The following NRDE2 variants were observed in gnomAD, a reference collection of about 807,000 sequenced individuals.
The protein encoded by NRDE2 is NRDE-2, necessary for RNA interference, domain containing.
Under a neutral mutation model 124.2 loss-of-function variants are expected in NRDE2, and 76 were observed. The observed-to-expected ratio is 0.61, with a 90% CI of 0.51 to 0.74. NRDE2 has a LOEUF of 0.74. Among genes scored for constraint, NRDE2 ranks in the 30% least tolerant of loss-of-function variants. The probability of loss-of-function intolerance (pLI) is 0.00; values close to 1 mark genes in which losing one functional copy is unlikely to be tolerated. For synonymous variants in NRDE2, 489 were observed against 528.1 expected, an observed-to-expected ratio of 0.93 and a Z score of 1.01; for missense variants, 1,314 against 1,417.3, an observed-to-expected ratio of 0.93 and a Z score of 1.17.
rs75175021 is a variant in NRDE2, at chr14:90,268,070, G to C, written c.*10266C>G. ...TAAATGTCCTCTTATCTACTTAGGA[G>C]AATGGAATGTCGTGACACTTGAATT... is the stretch of plus-strand genomic sequence containing the variant. On this transcript the variant is annotated 3_prime_UTR_variant, in exon 14 of 14. Coordinates refer to ENST00000354366, the MANE Select transcript of NRDE2 (RefSeq NM_017970.4). 25 of 593,424 alleles carry C rather than the reference G, an allele frequency of 4.2e-5. No homozygotes were observed. In the African/African-American group the frequency reaches 4.3e-4, roughly 10 times the overall value. The allele number at this position is 593,424 out of a possible 1,614,324, so 36.8% of individuals were successfully genotyped here. A position where few individuals can be genotyped will look rare whatever the true frequency, so the allele number is the denominator to read the frequency against.
At chr14:90,297,172 T>C (rs1884202763) in intron 8 of NRDE2, among the ~76,000 whole-genome samples, 2 of 151,410 alleles carry the variant, frequency 1.3e-5, no homozygotes, top group Non-Finnish European at 2.9e-5. Flanking sequence ...GAAAAGTAGC[T>C]AGTCTGAACT....
Position 90,304,092 on chromosome 14 carries a change from A to G in NRDE2, c.848T>C (p.Leu283Pro). The G allele has an allele frequency of 6.2e-7, 1 of 1,614,184 alleles. No homozygotes were observed. Among genetic ancestry groups the G allele is most frequent in the Non-Finnish European group, 8.5e-7 (1 of 1,180,040 alleles). The change falls in exon 5 of 14, where the codon CTA becomes CCA. Residue 283 changes from leucine to proline, a missense_variant. Coordinates refer to ENST00000354366, the MANE Select transcript of NRDE2 (RefSeq NM_017970.4). ...CTGCTCTGGAGGACCCTGTCCTTGT[A>G]GCCAATGTGTGGTTGACTGATCATA... is the stretch of plus-strand genomic sequence containing the variant. ...GIYDQSTTHW[L>P]QGQGPPEQES...
rs1436733072 is a variant in NRDE2 at position 90,276,616 on chromosome 14, A to G, written c.*1720T>C. On this transcript the variant is annotated 3_prime_UTR_variant, in exon 14 of 14. Coordinates refer to ENST00000354366, the MANE Select transcript of NRDE2 (RefSeq NM_017970.4). ...TTTGATTTGTTTTAAACCTCCTCCC[A>G]TGCAGCAAGTAATGTGCTCGCAATC... The G allele has an allele frequency of 6.6e-6, 1 of 151,646 alleles. No individual in the cohort carries two copies. The highest frequency in any genetic ancestry group is 1.5e-5 in the Non-Finnish European group (1 of 67,978). The allele number at this position is 151,646 out of a possible 1,614,324, so 9.4% of individuals were successfully genotyped here.
intron 11 of NRDE2, 81 bp downstream of exon 11, chr14:90,288,136 G>A: frequency 1.5e-6 from 2 of 1,333,924 alleles, no homozygotes; most frequent in Non-Finnish European, 2.1e-6. Context: ...CTGTCTTCCT[G>A]AGACCCAGCA....
intron 1 of NRDE2, among the ~76,000 whole-genome samples, chr14:90,320,043 T>C (rs1252362429): frequency 9.2e-5 from 14 of 152,190 alleles, no homozygotes; most frequent in Admixed American, 9.2e-4. Flanking sequence ...TTGCTGTAGT[T>C]TTGATTTCCA....
rs534249750 is a variant in NRDE2 at position 90,277,765 on chromosome 14, G to A, written c.*571C>T. On this transcript the variant is annotated 3_prime_UTR_variant, in exon 14 of 14. Coordinates refer to ENST00000354366, the MANE Select transcript of NRDE2 (RefSeq NM_017970.4). ...GGCCTGAGTTTTTCAGCAGCCCCAG[G>A]GCACGCTGCCCCTCCAGCTCCAGGC... The A allele has an allele frequency of 5.2e-5, 8 of 152,510 alleles. No homozygotes were observed. The highest frequency in any genetic ancestry group is 1.9e-4 in the African/African-American group (8 of 41,460). The allele number at this position is 152,510 out of a possible 1,614,324, so 9.4% of individuals were successfully genotyped here.
intron 1 of NRDE2, among the ~76,000 whole-genome samples, chr14:90,321,825 G>T (rs1024990893): frequency 8.5e-5 from 13 of 152,162 alleles, no homozygotes; most frequent in Non-Finnish European, 1.6e-4. Flanking sequence ...ACTTTTCTTA[G>T]CCAAGGAACT....
At chr14:90,317,369 T>C (rs1469276200) in intron 2 of NRDE2, among the ~76,000 whole-genome samples, 2 of 152,264 alleles carry the variant, frequency 1.3e-5, no homozygotes, top group Non-Finnish European at 2.9e-5. Flanking sequence ...TTGTGGTCCT[T>C]GTTTTTGGAG....
chr14:90,296,584 A>G (rs536136974), intron 8 of NRDE2, among the ~76,000 whole-genome samples: 1 of 152,212 alleles, frequency 6.6e-6, no homozygotes, highest in Admixed American at 6.5e-5. Flanking sequence ...ACCTAATCCA[A>G]AGTTTTCATG....
At chr14:90,312,086 T>C (rs1390292010) in intron 4 of NRDE2, among the ~76,000 whole-genome samples, 1 of 152,254 alleles carries the variant, frequency 6.6e-6, no homozygotes, top group Non-Finnish European at 1.5e-5. Flanking sequence ...GGTTACCAGA[T>C]AGTCTGTCAC....
At chr14:90,296,254 GT>G (rs1884142694) in intron 8 of NRDE2, among the ~76,000 whole-genome samples, 4 of 152,160 alleles carry the variant, frequency 2.6e-5, no homozygotes, top group Non-Finnish European at 4.4e-5. Flanking sequence ...TCAGACTTCT[GT>G]TTTTTTGGCC....
chr14:90,270,252 G>A lies in NRDE2; in HGVS notation c.*8084C>T. 3.7e-6 allele frequency: 6 copies of A among 1,613,614 alleles called. No individual in the cohort carries two copies. The highest frequency in any genetic ancestry group is 5.1e-6 in the Non-Finnish European group (6 of 1,179,820). ...CTGCCTGATGAAAAGACGAAGAAGC[G>A]CATCTTTCAGATTCACACAAGCAGG... On this transcript the variant is annotated 3_prime_UTR_variant, in exon 14 of 14. Transcript: ENST00000354366.
rs1358333284 is a variant in NRDE2 at position 90,301,274 on chromosome 14, G to A, written c.1510C>T (p.Pro504Ser). 1.1e-5 allele frequency: 17 copies of A among 1,613,724 alleles called. No individual in the cohort carries two copies. The highest frequency in any genetic ancestry group is 1.4e-5 in the Non-Finnish European group (17 of 1,179,790). ...GTAGGCAGATCTTTCACGCTGTCGG[G>A]TTTGAAGAAGGTGAAGTCCACCATG... The part of the protein sequence containing the change: ...QAMVDFTFFK[P>S]DSVKDLPTKG... Residue 504 changes from proline (P) to serine (S), a missense_variant, in exon 7 of 14, where the codon CCC (proline) becomes TCC (serine). Physicochemically the swap from Pro to Ser is moderately conservative, Grantham distance 74. Coordinates refer to ENST00000354366, the MANE Select transcript of NRDE2 (RefSeq NM_017970.4).
chr14:90,292,037 C>G (rs1210539139), intron 9 of NRDE2, among the ~76,000 whole-genome samples: 1 of 152,226 alleles, frequency 6.6e-6, no homozygotes, highest in Non-Finnish European at 1.5e-5. Flanking sequence ...ATCGAGACAG[C>G]ATTTCTTCAT....
intron 8 of NRDE2, among the ~76,000 whole-genome samples, chr14:90,297,961 A>T (rs1034394777): frequency 3.4e-5 from 5 of 147,226 alleles, no homozygotes; most frequent in African/African-American, 1.2e-4. Flanking sequence ...AAAAAAAAAG[A>T]ATGAGGATTG....
At position 90,278,220 on chromosome 14, in the gene NRDE2, GAA is replaced by G; in HGVS notation, c.*114_*115del. The stretch of plus-strand genomic sequence containing the variant: ...TGGCAGCCCACATTATTACTATCGA[GAA>G]AGAACATTTCAAAAGCCGAGTTCTC... On this transcript the variant is annotated 3_prime_UTR_variant, in exon 14 of 14. Coordinates refer to ENST00000354366, the MANE Select transcript of NRDE2 (RefSeq NM_017970.4). 7.8e-7 allele frequency: 1 copy of G among 1,278,656 alleles called. No individual in the cohort carries two copies. The highest frequency in any genetic ancestry group is 1.1e-6 in the Non-Finnish European group (1 of 907,226). The allele number at this position is 1,278,656 out of a possible 1,614,324, so 79.2% of individuals were successfully genotyped here.
At position 90,330,034 on chromosome 14, in the gene NRDE2, C is replaced by G. The variant is rs145369452; in HGVS notation, c.64+1807G>C. 2.2e-3 allele frequency among the ~76,000 whole-genome samples: 332 copies of G among 150,292 alleles called. 2 individuals carry two copies. The highest frequency in any genetic ancestry group is 3.8e-3 in the Non-Finnish European group (258 of 67,536). On this transcript the variant is annotated intron_variant, in intron 1 of 13. Coordinates refer to ENST00000354366, the MANE Select transcript of NRDE2 (RefSeq NM_017970.4). ...CCAGCCTGGCCAAAACAGTGAAACC[C>G]CATCTCTACTAACAATACAAAAATT... is the stretch of plus-strand genomic sequence containing the variant.
At position 90,286,218 on chromosome 14, in the gene NRDE2, C is replaced by A. The variant is rs114258288; in HGVS notation, c.3297+136G>T. On this transcript the variant is annotated intron_variant, in intron 12 of 13. Coordinates refer to ENST00000354366, the MANE Select transcript of NRDE2 (RefSeq NM_017970.4). ...AGGATTTCTTAGAGATTCACCAATGCCAAGAAGATGAGAGTGAAATATGGC... is the reference window on the plus strand; with the variant it reads ...AGGATTTCTTAGAGATTCACCAATGACAAGAAGATGAGAGTGAAATATGGC... 1.7e-3 allele frequency: 1,652 copies of A among 974,214 alleles called. 22 individuals are homozygous for A. The African/African-American group carries it at 0.024, about 14-fold the overall frequency. 60.3% of individuals were successfully genotyped at this position (974,214 alleles called of 1,614,324 possible).
intron 12 of NRDE2, among the ~76,000 whole-genome samples, chr14:90,283,400 A>G (rs1241791845): frequency 2.0e-5 from 3 of 152,246 alleles, no homozygotes; most frequent in Non-Finnish European, 4.4e-5. Context: ...CTCTACCTGT[A>G]AAAGACTGGG....
Sources: allele counts gnomAD v4.1 joint callset (sites outside exome capture counted in the v4.1 genomes callset), GRCh38; gene constraint gnomAD v4.1.1; transcripts MANE v1.5; gene names NCBI Gene and HGNC (gene_info 2026-07-23, HGNC 2026-07-21).